The following ADAM9 variants were observed in gnomAD, a reference collection of about 807,000 sequenced individuals.
ADAM9 encodes the protein ADAM metallopeptidase domain 9, also known as disintegrin and metalloproteinase domain-containing protein 9.
Under a neutral mutation model 108.1 loss-of-function variants are expected in ADAM9, and 54 were observed. That is an observed-to-expected ratio of 0.50 (90% CI 0.40 to 0.63). The LOEUF is 0.63. Among genes scored for constraint, ADAM9 ranks in the 20% least tolerant of loss-of-function variants. ADAM9 has a pLI of 0.00. For missense variants in ADAM9, 830 were observed against 997.7 expected (o/e 0.83, Z 2.26); for synonymous variants, 316 against 336.0 (o/e 0.94, Z 0.65).
chr8:39,072,248 A>T (rs1838718065), intron 15 of ADAM9, among the ~76,000 whole-genome samples: 1 of 152,200 alleles, frequency 6.6e-6, no homozygotes, highest in South Asian at 2.1e-4. Flanking sequence ...TTTCTTCTTC[A>T]CACTAACATT....
intron 15 of ADAM9, among the ~76,000 whole-genome samples, chr8:39,076,883 A>G (rs1450679983): frequency 2.0e-5 from 3 of 152,236 alleles, no homozygotes; most frequent in Non-Finnish European, 2.9e-5. Context: ...ATATTGCTAT[A>G]TTATTTTCTG....
intron 15 of ADAM9, among the ~76,000 whole-genome samples, chr8:39,072,994 C>T (rs1286347316): frequency 6.6e-6 from 1 of 152,138 alleles, no homozygotes; most frequent in East Asian, 1.9e-4. Context: ...TATATGATTT[C>T]ACTTTTTTGG....
At chr8:39,009,864 C>A (rs192966105) in intron 2 of ADAM9, among the ~76,000 whole-genome samples, 10 of 116,278 alleles carry the variant, frequency 8.6e-5, no homozygotes. Flanking sequence ...TGAATGCAGT[C>A]TTGTATTCTA....
rs1250134502 is a variant in ADAM9 at position 39,055,755 on chromosome 8, A to G, written c.1574A>G (p.Gln525Arg). The G allele has an allele frequency of 1.9e-6, 3 of 1,613,430 alleles. No individual in the cohort carries two copies. The highest frequency in any genetic ancestry group is 2.5e-6 in the Non-Finnish European group (3 of 1,179,614). Reference sequence around the variant, plus strand: ...TGCCAGTATTATGATGCTCAATGTCAAGTCATCTTTGGCTCAAGTAAGATA... The same window carrying G: ...TGCCAGTATTATGATGCTCAATGTCGAGTCATCTTTGGCTCAAGTAAGATA... ...GMCQYYDAQC[Q>R]VIFGSKAKAA... is the part of the protein sequence containing the mutation. The change falls in exon 14 of 22, where the codon CAA becomes CGA. Residue 525 changes from glutamine (Q) to arginine (R), a missense_variant. This residue lies in a region of ADAM9 where 381 missense variants were observed against 539.8 expected (regional missense o/e 0.71). Coordinates refer to ENST00000487273, the MANE Select transcript of ADAM9 (RefSeq NM_003816.3).
chr8:39,102,901 G>A (rs1839744877), intron 21 of ADAM9, among the ~76,000 whole-genome samples: 1 of 152,224 alleles, frequency 6.6e-6, no homozygotes. Context: ...GCAAATGCAT[G>A]TGACCCTCCC....
chr8:39,037,085 C>T (rs1837302679), intron 11 of ADAM9, among the ~76,000 whole-genome samples: 1 of 95,780 alleles, frequency 1.0e-5, no homozygotes, highest in Non-Finnish European at 1.9e-5. Context: ...GAGACGGAGT[C>T]TCGCTCTGTC....
chr8:39,057,998 C>T (rs1211559245), intron 14 of ADAM9, among the ~76,000 whole-genome samples: 1 of 152,132 alleles, frequency 6.6e-6, no homozygotes, highest in Non-Finnish European at 1.5e-5. Context: ...TTGTTAAGGG[C>T]ATAATTCCAC....
intron 4 of ADAM9, chr8:39,015,247 A>C (rs1051305673): frequency 2.0e-5 from 3 of 152,248 alleles, no homozygotes; most frequent in Non-Finnish European, 4.4e-5. Flanking sequence ...CTTTATGGAT[A>C]TACTGGGAAA....
intron 11 of ADAM9, among the ~76,000 whole-genome samples, chr8:39,035,210 T>G (rs1335575929): frequency 6.6e-6 from 1 of 152,232 alleles, no homozygotes; most frequent in Non-Finnish European, 1.5e-5. Context: ...CATATGTATT[T>G]TGTCTGTTGT....
At chr8:39,059,291 C>G (rs1475414501) in intron 14 of ADAM9, among the ~76,000 whole-genome samples, 1 of 152,214 alleles carries the variant, frequency 6.6e-6, no homozygotes, top group Non-Finnish European at 1.5e-5. Flanking sequence ...AGCACTGCTT[C>G]TTTCATCATG....
chr8:39,009,894 A>T (rs1192542825), intron 2 of ADAM9, among the ~76,000 whole-genome samples: 1 of 16,056 alleles, frequency 6.2e-5, no homozygotes, highest in Admixed American at 1.1e-3. Context: ...CATTCTAGTG[A>T]TGGGGGGGGG....
chr8:39,076,681 T>TAC (rs1370918139), intron 15 of ADAM9, among the ~76,000 whole-genome samples: 1 of 152,148 alleles, frequency 6.6e-6, no homozygotes, highest in African/African-American at 2.4e-5. Context: ...CAATAAGAAT[T>TAC]ATGGTCAGGG....
At chr8:39,080,850 G>C (rs1286303937) in intron 16 of ADAM9, among the ~76,000 whole-genome samples, 1 of 151,646 alleles carries the variant, frequency 6.6e-6, no homozygotes, top group Non-Finnish European at 1.5e-5. Context: ...AGTCAAGTTT[G>C]CTCTACTTGC....
intron 12 of ADAM9, among the ~76,000 whole-genome samples, chr8:39,048,264 T>C (rs1185773415): frequency 1.3e-5 from 2 of 152,216 alleles, no homozygotes; most frequent in Non-Finnish European, 2.9e-5. Context: ...TTGTGTTTTT[T>C]GTTTGTCCAA....
chr8:39,083,047 G>C lies in ADAM9; in HGVS notation c.2042G>C (p.Ser681Thr), dbSNP rs1488988135. Residue 681 changes from serine to threonine, a missense_variant, in exon 18 of 22, where the codon AGT (serine) becomes ACT (threonine). Coordinates refer to ENST00000487273, the MANE Select transcript of ADAM9 (RefSeq NM_003816.3). ...PNCETKGYGGSVDSGPTYNEM... is the reference protein window; with the variant it reads ...PNCETKGYGGTVDSGPTYNEM... ...TGTGAGACTAAAGGATACGGAGGAA[G>C]TGTGGACAGTGGACCTACATACAAT... 6.2e-7 allele frequency: 1 copy of C among 1,613,930 alleles called. No individual in the cohort carries two copies. The highest frequency in any genetic ancestry group is 8.5e-7 in the Non-Finnish European group (1 of 1,179,812).
At chr8:39,089,852 T>C in intron 18 of ADAM9, 195 bp from the exon 19 acceptor site, 2 of 603,622 alleles carry the variant, frequency 3.3e-6, no homozygotes, top group East Asian at 5.9e-5. Flanking sequence ...AAGAAACTAA[T>C]AAAAGTGGTT....
rs967464921 is a variant in ADAM9, at chr8:39,009,411, G to A, written c.195+1428G>A. 9.2e-5 allele frequency among the ~76,000 whole-genome samples: 14 copies of A among 152,130 alleles called. 1 individual carries two copies. Among genetic ancestry groups the A allele is most frequent in the Admixed American group, 4.6e-4 (7 of 15,270 alleles). ...TGTGCCACTATACCCAGCTAATTTC[G>A]TATCTTTAGTTGAGATGGGGTTTTG... On this transcript the variant is annotated intron_variant, in intron 2 of 21. Coordinates refer to ENST00000487273, the MANE Select transcript of ADAM9 (RefSeq NM_003816.3).
intron 12 of ADAM9, among the ~76,000 whole-genome samples, chr8:39,045,421 CACACACCT>C (rs1837709644): frequency 1.6e-5 from 1 of 62,808 alleles, no homozygotes; most frequent in Non-Finnish European, 3.7e-5. Flanking sequence ...CGCGTGTGTA[CACACACCT>C]ATATGTGCGC....
intron 9 of ADAM9, among the ~76,000 whole-genome samples, chr8:39,025,237 T>A (rs1281646400): frequency 6.6e-6 from 1 of 152,128 alleles, no homozygotes; most frequent in South Asian, 2.1e-4. Context: ...ATTACAGATG[T>A]GCGCCACCAT....
Sources: allele counts gnomAD v4.1 joint callset (sites outside exome capture counted in the v4.1 genomes callset), GRCh38; gene constraint gnomAD v4.1.1; regional missense constraint gnomAD v4.1.1; transcripts MANE v1.5; gene names NCBI Gene and HGNC (gene_info 2026-07-23, HGNC 2026-07-21).